CDC42BPA: variants seen among roughly 807,000 people sequenced by gnomAD.
CDC42BPA encodes CDC42 binding protein kinase alpha.
Under a neutral mutation model 223.5 loss-of-function variants are expected in CDC42BPA, and 80 were observed. The observed-to-expected ratio is 0.36, with a 90% CI of 0.30 to 0.43. The LOEUF (loss-of-function observed/expected upper bound fraction) is 0.43. Among genes scored for constraint, CDC42BPA ranks in the 20% least tolerant of loss-of-function variants. The pLI, the probability that CDC42BPA is intolerant of heterozygous loss-of-function variation, is 1.00. For missense variants in CDC42BPA, 1,743 were observed against 2,099.9 expected (o/e 0.83, Z 3.32); for synonymous variants, 694 against 718.6 (o/e 0.97, Z 0.55).
At chr1:227,227,226 ATAG>A (rs1204370905) in intron 2 of CDC42BPA, among the ~76,000 whole-genome samples, 1 of 152,152 alleles carries the variant, frequency 6.6e-6, no homozygotes, top group Admixed American at 6.5e-5. Context: ...AGAAAAAAAC[ATAG>A]TAGAAAATAT....
chr1:227,279,280 A>G (rs187523270), intron 1 of CDC42BPA, among the ~76,000 whole-genome samples: 1 of 152,146 alleles, frequency 6.6e-6, no homozygotes, highest in African/African-American at 2.4e-5. Context: ...TCAAACTACT[A>G]TCTTTAAATA....
Position 227,129,714 on chromosome 1 carries a change from T to TATATATATATATATATATATATATATAC in CDC42BPA, c.1391-484_1391-483insGTATATATATATATATATATATATATAT, listed in dbSNP as rs140091366. On this transcript the variant is annotated intron_variant, in intron 10 of 36. Transcript: ENST00000366766. ...AAAAAATCCACTGCATATATATATA[T>TATATATATATATATATATATATATATAC]ACAAAAGAATCCACCTTCTAATAAT... 6.7e-3 allele frequency among the ~76,000 whole-genome samples: 708 copies of TATATATATATATATATATATATATATAC among 105,416 alleles called. 12 individuals are homozygous for TATATATATATATATATATATATATATAC. Among genetic ancestry groups the TATATATATATATATATATATATATATAC allele is most frequent in the African/African-American group, 0.011 (286 of 26,372 alleles). 69.2% of individuals were successfully genotyped at this position (105,416 alleles called of 152,430 possible).
intron 3 of CDC42BPA, among the ~76,000 whole-genome samples, chr1:227,201,142 AT>A (rs919607073): frequency 6.8e-6 from 1 of 147,352 alleles, no homozygotes; most frequent in African/African-American, 2.5e-5. Flanking sequence ...AAATAAAAAA[AT>A]AATTGTTTAA....
At chr1:227,108,804 T>G (rs1317648491) in intron 14 of CDC42BPA, among the ~76,000 whole-genome samples, 1 of 152,186 alleles carries the variant, frequency 6.6e-6, no homozygotes, top group African/African-American at 2.4e-5. Flanking sequence ...ATGCATCTCA[T>G]TAGGTGATTT....
At chr1:227,293,449 A>T (rs149014186) in intron 1 of CDC42BPA, among the ~76,000 whole-genome samples, 158 of 151,936 alleles carry the variant, frequency 1.0e-3, no homozygotes, top group African/African-American at 3.7e-3. Context: ...GACTATTATT[A>T]TTTATTGCAA....
intron 12 of CDC42BPA, among the ~76,000 whole-genome samples, chr1:227,114,961 A>T (rs982508492): frequency 5.9e-5 from 9 of 152,142 alleles, no homozygotes; most frequent in Non-Finnish European, 2.9e-5. Flanking sequence ...AACCACCAAA[A>T]GACTAGAGAG....
At chr1:227,211,665 T>C (rs1204257277) in intron 3 of CDC42BPA, among the ~76,000 whole-genome samples, 1 of 151,692 alleles carries the variant, frequency 6.6e-6, no homozygotes, top group African/African-American at 2.4e-5. Flanking sequence ...TGAAAAAAAC[T>C]CAGAAAGCCA....
chr1:227,294,537 C>G (rs528352992), intron 1 of CDC42BPA, among the ~76,000 whole-genome samples: 1 of 151,838 alleles, frequency 6.6e-6, no homozygotes, highest in African/African-American at 2.4e-5. Context: ...TAACTATTCC[C>G]ATTTTCAGAG....
At chr1:227,104,886 G>T (rs1186426742) in intron 14 of CDC42BPA, among the ~76,000 whole-genome samples, 2 of 151,974 alleles carry the variant, frequency 1.3e-5, no homozygotes, top group Non-Finnish European at 2.9e-5. Context: ...CTCCAGAACT[G>T]AGACAGTTCT....
intron 1 of CDC42BPA, among the ~76,000 whole-genome samples, chr1:227,297,981 CATAT>C (rs137866814): frequency 1.6e-4 from 23 of 139,404 alleles, no homozygotes; most frequent in South Asian, 2.2e-4. Context: ...CACACACACA[CATAT>C]ATACATATAT....
intron 5 of CDC42BPA, among the ~76,000 whole-genome samples, chr1:227,172,118 A>G (rs920146186): frequency 3.3e-5 from 5 of 152,220 alleles, no homozygotes; most frequent in African/African-American, 1.2e-4. Flanking sequence ...AATTTTGTCA[A>G]AGAAATATTA....
At chr1:227,088,537 T>C (rs79991439) in intron 16 of CDC42BPA, among the ~76,000 whole-genome samples, 4,809 of 152,312 alleles carry the variant, frequency 0.032, 227 homozygotes, top group African/African-American at 0.11. Flanking sequence ...GATCACATTA[T>C]GGGTAACTTT....
At chr1:227,271,400 C>T (rs2813946) in intron 1 of CDC42BPA, among the ~76,000 whole-genome samples, 23,959 of 151,872 alleles carry the variant, frequency 0.16, 2,172 homozygotes, top group East Asian at 0.37. Context: ...AATATTAATC[C>T]ACTTGGCACA....
intron 31 of CDC42BPA, among the ~76,000 whole-genome samples, chr1:227,024,606 A>G (rs1667916274): frequency 6.6e-6 from 1 of 152,234 alleles, no homozygotes; most frequent in Non-Finnish European, 1.5e-5. Context: ...TAGTACTGAA[A>G]GCAATAAACT....
At chr1:227,026,294 A>G in intron 30 of CDC42BPA, 142 bp from the exon 31 acceptor site, 2 of 544,396 alleles carry the variant, frequency 3.7e-6, no homozygotes, top group Non-Finnish European at 6.5e-6. Flanking sequence ...CCAAATCAAA[A>G]CATTTTTGAA....
chr1:227,206,775 C>T (rs1672807771), intron 3 of CDC42BPA, among the ~76,000 whole-genome samples: 2 of 152,034 alleles, frequency 1.3e-5, no homozygotes, highest in African/African-American at 4.8e-5. Context: ...GAGGAGAGTA[C>T]CTTTCAAATA....
At chr1:227,256,614 G>C (rs1683065226) in intron 1 of CDC42BPA, among the ~76,000 whole-genome samples, 1 of 151,920 alleles carries the variant, frequency 6.6e-6, no homozygotes, top group African/African-American at 2.4e-5. Flanking sequence ...TACAATAGCT[G>C]AATTTTTTAA....
intron 1 of CDC42BPA, among the ~76,000 whole-genome samples, chr1:227,305,097 A>C (rs1399895977): frequency 2.0e-5 from 3 of 152,200 alleles, no homozygotes; most frequent in Non-Finnish European, 4.4e-5. Flanking sequence ...TCATTTTAAT[A>C]GTTGTATTGT....
intron 30 of CDC42BPA, among the ~76,000 whole-genome samples, chr1:227,026,530 G>A (rs1212238363): frequency 6.6e-6 from 1 of 152,162 alleles, no homozygotes; most frequent in Admixed American, 6.5e-5. Flanking sequence ...TCAGGTAAGT[G>A]TTCTAGTCCC....
Sources: gnomAD v4.1 joint callset for allele counts (sites outside exome capture counted in the v4.1 genomes callset) on GRCh38, gnomAD v4.1.1 for gene constraint, MANE v1.5 for transcripts, NCBI Gene and HGNC (gene_info 2026-07-23, HGNC 2026-07-21) for gene names.